PATJ: variants seen among roughly 807,000 people sequenced by gnomAD.
The protein encoded by PATJ is inaD-like protein.
Under a neutral mutation model 224.9 loss-of-function variants are expected in PATJ, and 190 were observed. The observed-to-expected ratio is 0.84, with a 90% CI of 0.75 to 0.95. The LOEUF (loss-of-function observed/expected upper bound fraction) is 0.95. Ranked by LOEUF, PATJ falls within the 40% of genes least tolerant of loss-of-function variation. The pLI is 0.00. For missense variants in PATJ, 2,121 were observed against 2,270.3 expected, an observed-to-expected ratio of 0.93 and a Z score of 1.34; for synonymous variants, 769 against 820.3, an observed-to-expected ratio of 0.94 and a Z score of 1.07.
At position 62,153,395 on chromosome 1, in the gene PATJ, T is replaced by C; in HGVS notation, c.5416T>C (p.Ser1806Pro). ...PPKIITLEKG[S>P]EGLGFSIVGG... ...TAAGATTATTACTTTGGAGAAAGGC[T>C]CTGAAGGCTTGGGGTTTAGTATTGT... Residue 1806 changes from serine (S) to proline (P), a missense_variant, in exon 43 of 44, where the codon TCT (serine) becomes CCT (proline). Transcript: ENST00000642238. The C allele has an allele frequency of 8.1e-7, 1 of 1,231,718 alleles. No homozygotes were observed. Among genetic ancestry groups the C allele is most frequent in the Non-Finnish European group, 1.0e-6 (1 of 987,586 alleles). 76.3% of individuals were successfully genotyped at this position (1,231,718 alleles called of 1,614,324 possible).
At chr1:62,017,593 G>A (rs752068347) in intron 28 of PATJ, among the ~76,000 whole-genome samples, 5 of 151,568 alleles carry the variant, frequency 3.3e-5, no homozygotes, top group African/African-American at 7.3e-5. Flanking sequence ...TTAGCCAGGC[G>A]TGGTGGCACA....
chr1:62,117,321 G>C lies in PATJ; in HGVS notation c.4890+103G>C. 3.3e-6 allele frequency: 5 copies of C among 1,507,436 alleles called. No homozygotes were observed. In the Middle Eastern group the frequency reaches 5.3e-4, roughly 160 times the overall value. The allele number at this position is 1,507,436 out of a possible 1,614,324, so 93.4% of individuals were successfully genotyped here. ...GTTTGGAAATAATATCTAATGTACA[G>C]CATATTCACAGCACCAAGTTTAGTG... is the stretch of plus-strand genomic sequence containing the variant. On this transcript the variant is annotated intron_variant, in intron 37 of 43. Coordinates refer to ENST00000642238, the MANE Select transcript of PATJ (RefSeq NM_001350145.3).
chr1:61,755,620 C>T (rs1645594482), intron 1 of PATJ, among the ~76,000 whole-genome samples: 1 of 152,072 alleles, frequency 6.6e-6, no homozygotes, highest in South Asian at 2.1e-4. Flanking sequence ...GGATAAAGAC[C>T]AGTCTGCTTA....
intron 17 of PATJ, among the ~76,000 whole-genome samples, chr1:61,837,787 C>CT (rs1364067738): frequency 4.1e-5 from 1 of 24,542 alleles, no homozygotes; most frequent in Non-Finnish European, 7.9e-5. Context: ...GAGACTCTGT[C>CT]TTAAAAAAAA....
At chr1:61,928,879 A>T (rs1176409072) in intron 27 of PATJ, among the ~76,000 whole-genome samples, 1 of 152,184 alleles carries the variant, frequency 6.6e-6, no homozygotes, top group African/African-American at 2.4e-5. Flanking sequence ...TTGCAATTTT[A>T]TGAAGCCCTT....
At chr1:62,071,998 G>C (rs898404229) in intron 31 of PATJ, among the ~76,000 whole-genome samples, 3 of 151,942 alleles carry the variant, frequency 2.0e-5, no homozygotes, top group African/African-American at 7.3e-5. Flanking sequence ...TCCCTGCTTT[G>C]TCCAAACCCA....
At chr1:61,745,064 A>G (rs905999841) in intron 1 of PATJ, among the ~76,000 whole-genome samples, 3 of 152,102 alleles carry the variant, frequency 2.0e-5, no homozygotes, top group Non-Finnish European at 1.5e-5. Context: ...AGCTCTCCCT[A>G]CCCCATCTTC....
intron 22 of PATJ, among the ~76,000 whole-genome samples, chr1:61,890,201 A>G (rs935993751): frequency 2.0e-5 from 3 of 152,200 alleles, no homozygotes; most frequent in Non-Finnish European, 4.4e-5. Flanking sequence ...CATACAGGCC[A>G]GGCGTGGTGG....
At chr1:62,149,696 T>C (rs111441114) in intron 42 of PATJ, among the ~76,000 whole-genome samples, 2 of 152,270 alleles carry the variant, frequency 1.3e-5, no homozygotes, top group African/African-American at 4.8e-5. Flanking sequence ...AGAGATCCCC[T>C]TGTAATCTTA....
intron 42 of PATJ, among the ~76,000 whole-genome samples, chr1:62,148,973 A>G (rs1272965624): frequency 1.3e-5 from 2 of 151,896 alleles, no homozygotes; most frequent in Non-Finnish European, 2.9e-5. Flanking sequence ...TTAAAAATAC[A>G]AAAAATTAGC....
At chr1:61,941,441 A>G (rs949117780) in intron 27 of PATJ, among the ~76,000 whole-genome samples, 1 of 152,192 alleles carries the variant, frequency 6.6e-6, no homozygotes, top group Admixed American at 6.5e-5. Flanking sequence ...TCTCGAGATC[A>G]GGAGTTCAAG....
chr1:61,871,568 T>A (rs367769418), intron 20 of PATJ, among the ~76,000 whole-genome samples: 1,674 of 124,056 alleles, frequency 0.013, 37 homozygotes, highest in East Asian at 0.1. Context: ...TTTTTTTTTT[T>A]TTTTTTTTTT....
At chr1:62,148,522 C>T (rs1425636519) in intron 42 of PATJ, 132 bp downstream of exon 42, 1 of 663,720 alleles carries the variant, frequency 1.5e-6, no homozygotes, top group Non-Finnish European at 2.7e-6. Context: ...TCTAGGGAAT[C>T]CTTATTTCTC....
At chr1:61,760,640 A>G (rs1645914647) in intron 1 of PATJ, among the ~76,000 whole-genome samples, 1 of 140,072 alleles carries the variant, frequency 7.1e-6, no homozygotes, top group Admixed American at 7.3e-5. Flanking sequence ...TTTTTGAGAC[A>G]GAGTCTGGCT....
chr1:61,758,811 AG>A (rs1645798901), intron 1 of PATJ, among the ~76,000 whole-genome samples: 1 of 152,122 alleles, frequency 6.6e-6, no homozygotes, highest in South Asian at 2.1e-4. Context: ...CACAGGCTGG[AG>A]TACAGTGGCA....
At chr1:61,930,020 A>G (rs1276411362) in intron 27 of PATJ, among the ~76,000 whole-genome samples, 1 of 152,180 alleles carries the variant, frequency 6.6e-6, no homozygotes, top group Non-Finnish European at 1.5e-5. Flanking sequence ...AGGCTAATTT[A>G]CCTTAAATGC....
At chr1:62,103,794 T>C (rs982117097) in intron 33 of PATJ, among the ~76,000 whole-genome samples, 20 of 150,880 alleles carry the variant, frequency 1.3e-4, no homozygotes, top group Non-Finnish European at 1.9e-4. Context: ...GCTTCCTTAC[T>C]GTGTGCTCGC....
chr1:62,098,019 A>G (rs1377671007), intron 33 of PATJ, among the ~76,000 whole-genome samples: 1 of 152,150 alleles, frequency 6.6e-6, no homozygotes, highest in East Asian at 1.9e-4. Flanking sequence ...CTGTAATCCC[A>G]GCACTTTGAG....
intron 27 of PATJ, among the ~76,000 whole-genome samples, chr1:61,940,079 T>C (rs1258801275): frequency 6.6e-6 from 1 of 152,166 alleles, no homozygotes; most frequent in Admixed American, 6.6e-5. Context: ...CAAAGATGTT[T>C]ACTTCAGCAT....
Sources: gnomAD v4.1 joint callset for allele counts (sites outside exome capture counted in the v4.1 genomes callset) on GRCh38, gnomAD v4.1.1 for gene constraint, MANE v1.5 for transcripts, NCBI Gene and HGNC (gene_info 2026-07-23, HGNC 2026-07-21) for gene names.